The following CDON variants were observed in gnomAD, a reference collection of about 807,000 sequenced individuals.
CDON encodes cell adhesion associated, oncogene regulated.
A neutral mutation model predicts 120.9 loss-of-function variants in CDON; 73 were observed. The ratio of observed to expected loss-of-function variants is 0.60; its 90% CI spans 0.50 to 0.73. CDON has a LOEUF of 0.73. CDON is among the 30% of genes least tolerant of loss of function. The pLI is 0.00. For synonymous variants in CDON, 566 were observed against 573.5 expected, an observed-to-expected ratio of 0.99 and a Z score of 0.19; for missense variants, 1,470 against 1,587.3, an observed-to-expected ratio of 0.93 and a Z score of 1.26.
chr11:126,000,071 T>C (rs575334), intron 11 of CDON, among the ~76,000 whole-genome samples: 92,069 of 151,664 alleles, frequency 0.61, 28,076 homozygotes, highest in Admixed American at 0.63. Flanking sequence ...ACTGAGTGAC[T>C]GACTTAGATA....
intron 1 of CDON, among the ~76,000 whole-genome samples, chr11:126,030,991 G>T (rs1947927619): frequency 6.6e-6 from 1 of 152,048 alleles, no homozygotes; most frequent in East Asian, 1.9e-4. Flanking sequence ...ACCTATGAGG[G>T]GTGCAAAGAT....
intron 1 of CDON, among the ~76,000 whole-genome samples, chr11:126,040,320 T>C (rs1948221196): frequency 6.6e-6 from 1 of 152,202 alleles, no homozygotes; most frequent in Non-Finnish European, 1.5e-5. Context: ...ACCTTGTCTA[T>C]TTTGCTCATC....
At chr11:126,060,557 A>G (rs535489950) in intron 1 of CDON, among the ~76,000 whole-genome samples, 1 of 66,312 alleles carries the variant, frequency 1.5e-5, no homozygotes, top group African/African-American at 4.9e-5. Context: ...ACGTTCGTGG[A>G]AAAAAAAAAA....
chr11:125,980,986 C>G lies in CDON; in HGVS notation c.3276+63G>C, dbSNP rs611548. 0.25 allele frequency: 386,706 copies of G among 1,530,832 alleles called. 50,969 individuals carry two copies. The highest frequency in any genetic ancestry group is 0.38 in the African/African-American group (27,556 of 73,206). 94.8% of individuals were successfully genotyped at this position (1,530,832 alleles called of 1,614,324 possible). A position where few individuals can be genotyped will look rare whatever the true frequency, so the allele number is the denominator to read the frequency against. On this transcript the variant is annotated intron_variant, in intron 17 of 19. Coordinates refer to ENST00000531738, the MANE Select transcript of CDON (RefSeq NM_001378964.1). Reference sequence around the variant, plus strand: ...ACTGAACAAAGCCAAGCATGCTGTCCCTGTTCTAGTACTTGGCACCCTGAG... The same window carrying G: ...ACTGAACAAAGCCAAGCATGCTGTCGCTGTTCTAGTACTTGGCACCCTGAG...
chr11:125,989,995 T>A (rs1309386078), intron 14 of CDON, among the ~76,000 whole-genome samples: 1 of 152,128 alleles, frequency 6.6e-6, no homozygotes, highest in Admixed American at 6.5e-5. Context: ...TAAAACTATA[T>A]CTGTGTGTTG....
chr11:125,973,053 G>A (rs1946050684), intron 18 of CDON, among the ~76,000 whole-genome samples: 1 of 75,528 alleles, frequency 1.3e-5, no homozygotes, highest in African/African-American at 4.3e-5. Flanking sequence ...AAATCCCTCA[G>A]ACTCATTCAG....
chr11:125,982,788 C>T (rs929255086), intron 16 of CDON, among the ~76,000 whole-genome samples: 7 of 152,120 alleles, frequency 4.6e-5, no homozygotes, highest in African/African-American at 7.2e-5. Context: ...TGATTCAACA[C>T]GCACTCACAC....
chr11:126,039,131 C>A (rs1206954889), intron 1 of CDON, among the ~76,000 whole-genome samples: 1 of 152,124 alleles, frequency 6.6e-6, no homozygotes. Context: ...AGAGAGAGAA[C>A]CCTACTTGAT....
chr11:126,007,466 AG>A (rs1947160132), intron 8 of CDON, among the ~76,000 whole-genome samples: 1 of 152,202 alleles, frequency 6.6e-6, no homozygotes, highest in African/African-American at 2.4e-5. Flanking sequence ...ACTGATGTTC[AG>A]GGTGTGATCT....
chr11:125,999,724 C>T (rs1021760397), intron 11 of CDON, among the ~76,000 whole-genome samples: 1 of 152,132 alleles, frequency 6.6e-6, no homozygotes. Context: ...AGGTCCTCCC[C>T]TTCCTCCATC....
intron 12 of CDON, 135 bp downstream of exon 12, chr11:125,997,072 G>A: frequency 1.4e-6 from 1 of 735,158 alleles, no homozygotes; most frequent in East Asian, 2.7e-5. Flanking sequence ...AGCTACTTGG[G>A]AGGCTGAGGT....
intron 7 of CDON, 60 bp downstream of exon 7, chr11:126,015,181 A>T: frequency 1.3e-6 from 2 of 1,494,128 alleles, no homozygotes; most frequent in South Asian, 2.3e-5. Flanking sequence ...ATTTTTGACC[A>T]CAACAAAAGC....
intron 8 of CDON, among the ~76,000 whole-genome samples, chr11:126,008,090 T>G (rs937101858): frequency 6.6e-6 from 1 of 152,116 alleles, no homozygotes; most frequent in Non-Finnish European, 1.5e-5. Context: ...TGCCAGCAAC[T>G]CACAACCCAA....
chr11:126,049,830 G>T (rs1177278884), intron 1 of CDON, among the ~76,000 whole-genome samples: 1 of 152,170 alleles, frequency 6.6e-6, no homozygotes, highest in Admixed American at 6.5e-5. Flanking sequence ...TAAAATAAGA[G>T]AAAGAGCATC....
At chr11:125,973,022 T>TTTC (rs1555115201) in intron 18 of CDON, among the ~76,000 whole-genome samples, 1 of 138,450 alleles carries the variant, frequency 7.2e-6, no homozygotes, top group African/African-American at 2.8e-5. Context: ...CTTGGTCTTT[T>TTTC]TTTTTTTTTT....
chr11:125,989,502 C>T, intron 15 of CDON, 135 bp downstream of exon 15: 1 of 850,840 alleles, frequency 1.2e-6, no homozygotes, highest in Admixed American at 1.8e-5. Context: ...TACCACTGCA[C>T]TCCAGCCTGG....
chr11:126,025,982 C>G (rs1000130293), intron 1 of CDON, among the ~76,000 whole-genome samples: 8 of 152,324 alleles, frequency 5.3e-5, no homozygotes, highest in African/African-American at 1.4e-4. Flanking sequence ...ACCCAATACT[C>G]TCTTATGTAA....
At chr11:126,047,029 T>A (rs1196064457) in intron 1 of CDON, among the ~76,000 whole-genome samples, 2 of 152,206 alleles carry the variant, frequency 1.3e-5, no homozygotes, top group African/African-American at 2.4e-5. Context: ...GGATTTCCCA[T>A]CGATGACAAC....
At chr11:125,974,390 AAGGGAGGG>A (rs149644937) in intron 18 of CDON, among the ~76,000 whole-genome samples, 5 of 46,056 alleles carry the variant, frequency 1.1e-4, no homozygotes, top group African/African-American at 2.9e-4. Context: ...GGAAGGAAGG[AAGGGAGGG>A]AGGGAGGGAG....
Sources: gnomAD v4.1 joint callset for allele counts (sites outside exome capture counted in the v4.1 genomes callset) on GRCh38, gnomAD v4.1.1 for gene constraint, MANE v1.5 for transcripts, NCBI Gene and HGNC (gene_info 2026-07-23, HGNC 2026-07-21) for gene names.